Variants in STK32B observed in about 807,000 individuals in gnomAD.
The protein encoded by STK32B is serine/threonine kinase 32B, also known as serine/threonine-protein kinase 32B.
STK32B carries 43 observed loss-of-function variants against 52.6 expected under a neutral mutation model. The ratio of observed to expected loss-of-function variants is 0.82; its 90% CI spans 0.64 to 1.05. The LOEUF (loss-of-function observed/expected upper bound fraction) is 1.05. STK32B is among the 50% of genes least tolerant of loss of function. The pLI is 0.00. For synonymous variants in STK32B, 238 were observed against 204.3 expected (o/e 1.17, Z -1.41); for missense variants, 621 against 534.6 (o/e 1.16, Z -1.59).
rs140405415 is a variant in STK32B at position 5,145,318 on chromosome 4, T to C, written c.108+5358T>C. ...ATTGCAAATATTTGTACATTTCTCC[T>C]TAAATATTTCAGCCTAGAGATTTGC... On this transcript the variant is annotated intron_variant, in intron 2 of 11. Coordinates refer to ENST00000282908, the MANE Select transcript of STK32B (RefSeq NM_018401.3). Among the ~76,000 whole-genome samples the C allele has an allele frequency of 3.8e-3, 572 of 152,356 alleles. 7 individuals carry two copies. The highest frequency in any genetic ancestry group is 0.012 in the African/African-American group (491 of 41,582).
chr4:5,129,264 A>G (rs369532014), intron 1 of STK32B, among the ~76,000 whole-genome samples: 1 of 152,194 alleles, frequency 6.6e-6, no homozygotes, highest in African/African-American at 2.4e-5. Flanking sequence ...GTAGCTAGCC[A>G]GTTCTTGCCC....
At chr4:5,248,836 A>G (rs184180286) in intron 3 of STK32B, among the ~76,000 whole-genome samples, 232 of 152,168 alleles carry the variant, frequency 1.5e-3, no homozygotes, top group Non-Finnish European at 2.7e-3. Flanking sequence ...CAAAAAACCA[A>G]ACACCGCCTG....
At chr4:5,297,450 A>G (rs867865699) in intron 3 of STK32B, among the ~76,000 whole-genome samples, 36 of 148,962 alleles carry the variant, frequency 2.4e-4, no homozygotes, top group Middle Eastern at 3.4e-3. Flanking sequence ...ACATAGTCAC[A>G]TATTTCTTGG....
chr4:5,488,937 A>G (rs1158064720), intron 11 of STK32B, among the ~76,000 whole-genome samples: 1 of 152,042 alleles, frequency 6.6e-6, no homozygotes, highest in African/African-American at 2.4e-5. Context: ...TCTTATTAAA[A>G]ACTTCATATT....
intron 3 of STK32B, among the ~76,000 whole-genome samples, chr4:5,216,362 T>C (rs1723183771): frequency 6.6e-6 from 1 of 152,180 alleles, no homozygotes; most frequent in Non-Finnish European, 1.5e-5. Context: ...GCAGACACAG[T>C]GCTTACCCTC....
intron 3 of STK32B, among the ~76,000 whole-genome samples, chr4:5,175,394 T>G (rs1186799249): frequency 6.6e-6 from 1 of 152,224 alleles, no homozygotes; most frequent in African/African-American, 2.4e-5. Context: ...TTTTAGAGTT[T>G]CCAGTTTTTC....
chr4:5,447,027 A>G, intron 7 of STK32B: 2 of 375,514 alleles, frequency 5.3e-6, no homozygotes, highest in East Asian at 9.1e-5. Flanking sequence ...CCCACAGCGG[A>G]TCAGTGACAA....
intron 3 of STK32B, among the ~76,000 whole-genome samples, chr4:5,296,154 C>T (rs1471481794): frequency 6.6e-6 from 1 of 152,134 alleles, no homozygotes; most frequent in African/African-American, 2.4e-5. Flanking sequence ...CATTCTTTTG[C>T]ATTTGCTGAG....
chr4:5,460,257 C>G lies in STK32B; in HGVS notation c.909+29C>G, dbSNP rs1392085078. The stretch of plus-strand genomic sequence containing the variant: ...AGTGGAAGTCCCACCTGATGTCATG[C>G]CACCCCTCTGCAGGGTCCCCGCCTT... On this transcript the variant is annotated intron_variant, in intron 9 of 11. Coordinates refer to ENST00000282908, the MANE Select transcript of STK32B (RefSeq NM_018401.3). The surrounding 1 kb of genome is among the most constrained non-coding windows in gnomAD (Gnocchi z 4.8). 2.5e-6 allele frequency: 4 copies of G among 1,594,242 alleles called. No homozygotes were observed. The highest frequency in any genetic ancestry group is 3.4e-6 in the Non-Finnish European group (4 of 1,170,018).
intron 1 of STK32B, among the ~76,000 whole-genome samples, chr4:5,097,567 C>T (rs1164800001): frequency 6.6e-6 from 1 of 152,146 alleles, no homozygotes; most frequent in African/African-American, 2.4e-5. Flanking sequence ...TTCCAGACAC[C>T]AGATAGCCAA....
At chr4:5,273,974 T>C (rs189384828) in intron 3 of STK32B, among the ~76,000 whole-genome samples, 207 of 151,110 alleles carry the variant, frequency 1.4e-3, no homozygotes, top group African/African-American at 4.6e-3. Flanking sequence ...ACATGTACCC[T>C]AAAACTTAAA....
chr4:5,175,275 G>C (rs898901816), intron 3 of STK32B, among the ~76,000 whole-genome samples: 1 of 152,030 alleles, frequency 6.6e-6, no homozygotes, highest in South Asian at 2.1e-4. Flanking sequence ...GGAGTAGTTT[G>C]ATCTTCTGAA....
chr4:5,361,968 A>G (rs1467484970), intron 4 of STK32B, among the ~76,000 whole-genome samples: 2 of 152,250 alleles, frequency 1.3e-5, no homozygotes, highest in African/African-American at 2.4e-5. Flanking sequence ...TTTCATATTC[A>G]TACTAATTGA....
chr4:5,127,682 A>G (rs570706528), intron 1 of STK32B, among the ~76,000 whole-genome samples: 25 of 152,328 alleles, frequency 1.6e-4, no homozygotes, highest in African/African-American at 5.8e-4. Context: ...CCATGTGAGG[A>G]CAGAGGCAGA....
Position 5,471,080 on chromosome 4 carries a change from G to A in STK32B, c.1106+3010G>A, listed in dbSNP as rs913056471. ...GCATGCAGGATCCCTGCACAGTGGG[G>A]GCTGCAAAGATAAATCACACATCAC... is the stretch of plus-strand genomic sequence containing the variant. On this transcript the variant is annotated intron_variant, in intron 11 of 11. Coordinates refer to ENST00000282908, the MANE Select transcript of STK32B (RefSeq NM_018401.3). 2.0e-5 allele frequency among the ~76,000 whole-genome samples: 3 copies of A among 152,192 alleles called. No individual in the cohort carries two copies. The East Asian group carries it at 5.8e-4, about 29-fold the overall frequency.
chr4:5,498,572 A>T (rs1720477554), intron 11 of STK32B, among the ~76,000 whole-genome samples: 1 of 152,200 alleles, frequency 6.6e-6, no homozygotes, highest in Non-Finnish European at 1.5e-5. Context: ...AATGAATGAT[A>T]CCTGGGACTC....
At chr4:5,076,538 G>A (rs1038958884) in intron 1 of STK32B, among the ~76,000 whole-genome samples, 1 of 152,076 alleles carries the variant, frequency 6.6e-6, no homozygotes, top group Non-Finnish European at 1.5e-5. Context: ...ATCACAATTT[G>A]TTGCCCTTTA....
At chr4:5,121,144 C>CT (rs951692447) in intron 1 of STK32B, among the ~76,000 whole-genome samples, 18 of 152,294 alleles carry the variant, frequency 1.2e-4, no homozygotes, top group African/African-American at 4.3e-4. Context: ...ATCCTCAGAG[C>CT]TTAGCTCCCA....
chr4:5,024,232 G>A, the STK32B span, among the ~76,000 whole-genome samples: 2 of 152,300 alleles, frequency 1.3e-5, no homozygotes, highest in East Asian at 1.9e-4. Flanking sequence ...TATGCAATAA[G>A]CTCTATGTAA....
Sources: gnomAD v4.1 joint callset for allele counts (sites outside exome capture counted in the v4.1 genomes callset) on GRCh38, gnomAD v4.1.1 for gene constraint, Gnocchi (gnomAD v3.1) non-coding constraint, MANE v1.5 for transcripts, NCBI Gene and HGNC (gene_info 2026-07-23, HGNC 2026-07-21) for gene names.